Variants in ADAMTS2 observed in about 807,000 individuals in gnomAD.
The protein encoded by ADAMTS2 is A disintegrin and metalloproteinase with thrombospondin motifs 2.
In ADAMTS2, 50 loss-of-function variants were observed where a neutral mutation model predicts 123.0. The observed-to-expected ratio is 0.41, with a 90% CI of 0.32 to 0.51. The LOEUF (loss-of-function observed/expected upper bound fraction) is 0.51, where lower values mean the gene tolerates loss of function less well. Ranked by LOEUF, ADAMTS2 falls within the 20% of genes least tolerant of loss-of-function variation. The probability of loss-of-function intolerance (pLI) is 0.35; values close to 1 mark genes in which losing one functional copy is unlikely to be tolerated. For missense variants in ADAMTS2, 1,494 were observed against 1,705.2 expected (o/e 0.88, Z 2.18); for synonymous variants, 678 against 695.4 (o/e 0.98, Z 0.39).
chr5:179,270,675 C>T (rs1003129960), intron 3 of ADAMTS2, among the ~76,000 whole-genome samples: 6 of 152,318 alleles, frequency 3.9e-5, no homozygotes, highest in Admixed American at 6.5e-5. Flanking sequence ...GAAAGCTGGA[C>T]GCCTGAGGTC....
At chr5:179,251,719 A>C (rs1192143096) in intron 3 of ADAMTS2, among the ~76,000 whole-genome samples, 2 of 152,338 alleles carry the variant, frequency 1.3e-5, no homozygotes, top group African/African-American at 4.8e-5. Context: ...ATATGTACAC[A>C]CAAAGACTTG....
chr5:179,334,408 T>C (rs1171697749), intron 2 of ADAMTS2, among the ~76,000 whole-genome samples: 5 of 152,162 alleles, frequency 3.3e-5, no homozygotes, highest in Admixed American at 1.3e-4. Context: ...GCGTTAAGAG[T>C]TAAGACACAT....
At chr5:179,216,864 T>G (rs977109918) in intron 3 of ADAMTS2, among the ~76,000 whole-genome samples, 1 of 151,980 alleles carries the variant, frequency 6.6e-6, no homozygotes, top group African/African-American at 2.4e-5. Flanking sequence ...ACGGCGGAGG[T>G]GGAGCAGGAG....
intron 2 of ADAMTS2, among the ~76,000 whole-genome samples, chr5:179,322,884 G>A (rs1224935625): frequency 6.6e-6 from 1 of 152,218 alleles, no homozygotes. Context: ...CCTAAGGAGA[G>A]GTGCCTGGCA....
At chr5:179,233,407 A>G (rs1221012728) in intron 3 of ADAMTS2, among the ~76,000 whole-genome samples, 2 of 142,546 alleles carry the variant, frequency 1.4e-5, no homozygotes, top group African/African-American at 5.3e-5. Flanking sequence ...CAGCCCGGGC[A>G]TGGTGGCTCA....
chr5:179,294,630 G>A lies in ADAMTS2; in HGVS notation c.535-21566C>T, dbSNP rs6869283. ...AAGGGCCACCCCAAGCCCTGCCCCC[G>A]CCCCCACTGCAGCTTCCCCGCAGGG... On this transcript the variant is annotated intron_variant, in intron 2 of 21. Coordinates refer to ENST00000251582, the MANE Select transcript of ADAMTS2 (RefSeq NM_014244.5). 7.1e-3 allele frequency among the ~76,000 whole-genome samples: 1,079 copies of A among 152,258 alleles called. 21 individuals carry two copies. Among genetic ancestry groups the A allele is most frequent in the African/African-American group, 0.024 (1,000 of 41,554 alleles).
At position 179,285,051 on chromosome 5, in the gene ADAMTS2, G is replaced by A. The variant is rs1394866043; in HGVS notation, c.535-11987C>T. Among the ~76,000 whole-genome samples the A allele has an allele frequency of 6.6e-6, 1 of 152,118 alleles. No homozygotes were observed. The highest frequency in any genetic ancestry group is 1.5e-5 in the Non-Finnish European group (1 of 68,024). ...TCCATGGCTGATGTGAGGGCTAAGC[G>A]AGATACTGCGTCTCTAGCACTGGGC... On this transcript the variant is annotated intron_variant, in intron 2 of 21. Coordinates refer to ENST00000251582, the MANE Select transcript of ADAMTS2 (RefSeq NM_014244.5). This position sits in a 1 kb window ranked among gnomAD's most constrained non-coding sequence, Gnocchi z 4.9.
intron 3 of ADAMTS2, among the ~76,000 whole-genome samples, chr5:179,246,873 A>G (rs1315162953): frequency 6.6e-6 from 1 of 152,226 alleles, no homozygotes; most frequent in Non-Finnish European, 1.5e-5. Flanking sequence ...TAGAAAAATC[A>G]CTAAACAAAC....
intron 2 of ADAMTS2, among the ~76,000 whole-genome samples, chr5:179,280,250 T>C (rs1446496369): frequency 2.0e-5 from 3 of 152,238 alleles, no homozygotes; most frequent in East Asian, 3.9e-4. Context: ...GACAGTCACA[T>C]GCCCAGCGAG....
At position 179,132,173 on chromosome 5, in the gene ADAMTS2, T is replaced by C. The variant is rs1762975759; in HGVS notation, c.2290+57A>G. ...CCCCTGACCCCTGGCACTCTGCCCA[T>C]TGATCCCAGAGGAGCCAGGTCCTGA... On this transcript the variant is annotated intron_variant, in intron 15 of 21. Coordinates refer to ENST00000251582, the MANE Select transcript of ADAMTS2 (RefSeq NM_014244.5). The surrounding 1 kb of genome is among the most constrained non-coding windows in gnomAD (Gnocchi z 6.1). The C allele has an allele frequency of 6.4e-7, 1 of 1,561,024 alleles. No homozygotes were observed. Among genetic ancestry groups the C allele is most frequent in the South Asian group, 1.1e-5 (1 of 89,068 alleles).
In ADAMTS2 at chr5:179,160,274, C is replaced by G. The variant is rs1763569283; in HGVS notation, c.976-1395G>C. 2.6e-5 allele frequency among the ~76,000 whole-genome samples: 4 copies of G among 152,282 alleles called. No homozygotes were observed. The South Asian group carries it at 8.3e-4, about 32-fold the overall frequency. On this transcript the variant is annotated intron_variant, in intron 5 of 21. Transcript: ENST00000251582. ...AGGAGTTTGAGACCAGCCTGGCCAA[C>G]ATGGTGAAACCCTGTCTCTACTAAA...
chr5:179,168,270 G>C (rs1053772883), intron 5 of ADAMTS2, among the ~76,000 whole-genome samples: 2 of 152,124 alleles, frequency 1.3e-5, no homozygotes, highest in African/African-American at 4.8e-5. Flanking sequence ...TCCCCCGGGT[G>C]GGGGGAGGGG....
chr5:179,172,850 TA>T (rs1763850523), intron 5 of ADAMTS2, among the ~76,000 whole-genome samples: 1 of 152,122 alleles, frequency 6.6e-6, no homozygotes, highest in South Asian at 2.1e-4. Context: ...AATGATTTTT[TA>T]AAAAATCATT....
intron 3 of ADAMTS2, among the ~76,000 whole-genome samples, chr5:179,226,360 G>A (rs1342046356): frequency 1.3e-5 from 2 of 150,084 alleles, no homozygotes; most frequent in South Asian, 2.1e-4. Flanking sequence ...ACCGCCTCCC[G>A]GATTCAAGCA....
chr5:179,288,166 C>T (rs1756082386), intron 2 of ADAMTS2, among the ~76,000 whole-genome samples: 1 of 152,216 alleles, frequency 6.6e-6, no homozygotes, highest in Admixed American at 6.5e-5. Context: ...CCCCTCCGGC[C>T]TCATGCACAC....
rs776415424 is a variant in ADAMTS2, at chr5:179,153,471, C to A, written c.1515+20G>T. ...CCCCCCAGACCTGGGAGGGTCCCGGCTGCAGGGCTGCACACTCACCGCCGT... is the reference window on the plus strand; with the variant it reads ...CCCCCCAGACCTGGGAGGGTCCCGGATGCAGGGCTGCACACTCACCGCCGT... On this transcript the variant is annotated intron_variant, in intron 9 of 21. Transcript: ENST00000251582. 2 of 1,605,518 alleles carry A rather than the reference C, an allele frequency of 1.2e-6. No homozygotes were observed. The highest frequency in any genetic ancestry group is 4.5e-5 in the East Asian group (2 of 44,876).
At chr5:179,126,447 G>A (rs1234745784) in intron 17 of ADAMTS2, among the ~76,000 whole-genome samples, 1 of 152,242 alleles carries the variant, frequency 6.6e-6, no homozygotes, top group Non-Finnish European at 1.5e-5. Context: ...CACATGCCCA[G>A]CAGGCCTGGT....
At chr5:179,199,369 C>G (rs1764507364) in intron 4 of ADAMTS2, among the ~76,000 whole-genome samples, 1 of 152,200 alleles carries the variant, frequency 6.6e-6, no homozygotes, top group South Asian at 2.1e-4. Flanking sequence ...CCATCCCGCC[C>G]ACGGCTGGCA....
intron 5 of ADAMTS2, among the ~76,000 whole-genome samples, chr5:179,167,475 T>C (rs1353584589): frequency 1.3e-5 from 2 of 152,196 alleles, no homozygotes; most frequent in Non-Finnish European, 2.9e-5. Context: ...CATTGTTTGC[T>C]CTGGAAGGAG....
Sources: allele counts gnomAD v4.1 joint callset (sites outside exome capture counted in the v4.1 genomes callset), GRCh38; gene constraint gnomAD v4.1.1; non-coding constraint Gnocchi (gnomAD v3.1); transcripts MANE v1.5; gene names NCBI Gene and HGNC (gene_info 2026-07-23, HGNC 2026-07-21).